Variants in DIAPH1 observed in about 807,000 individuals in gnomAD.
DIAPH1 encodes protein diaphanous homolog 1.
DIAPH1 carries 46 observed loss-of-function variants against 140.7 expected under a neutral mutation model. That is an observed-to-expected ratio of 0.33 (90% CI 0.26 to 0.42). The LOEUF (loss-of-function observed/expected upper bound fraction) is 0.42. DIAPH1 is among the 10% of genes least tolerant of loss of function. The probability of loss-of-function intolerance (pLI) is 1.00; values close to 1 mark genes in which losing one functional copy is unlikely to be tolerated. For synonymous variants in DIAPH1, 565 were observed against 551.6 expected (o/e 1.02, Z -0.34); for missense variants, 1,310 against 1,558.7 (o/e 0.84, Z 2.69).
intron 14 of DIAPH1, 103 bp from the exon 15 acceptor site, chr5:141,575,249 T>TTCCAGCACCCCCAG: frequency 8.3e-7 from 1 of 1,197,704 alleles, no homozygotes; most frequent in Non-Finnish European, 1.2e-6. Flanking sequence ...TGCCTGGGGG[T>TTCCAGCACCCCCAG]GCTGGAATCC....
chr5:141,531,332 C>G (rs2099888198), intron 19 of DIAPH1, among the ~76,000 whole-genome samples: 1 of 150,054 alleles, frequency 6.7e-6, no homozygotes. Flanking sequence ...TTTTTTGAGA[C>G]AGCATCTCAC....
intron 18 of DIAPH1, among the ~76,000 whole-genome samples, chr5:141,569,574 C>A (rs926792810): frequency 5.9e-5 from 9 of 151,886 alleles, no homozygotes; most frequent in African/African-American, 2.2e-4. Flanking sequence ...ACCAGCCTGC[C>A]CAACATGGTA....
chr5:141,604,842 C>T (rs981756354), intron 1 of DIAPH1, among the ~76,000 whole-genome samples: 5 of 151,952 alleles, frequency 3.3e-5, no homozygotes, highest in Non-Finnish European at 5.9e-5. Flanking sequence ...ATTTTTTGGC[C>T]CGGTACACAT....
chr5:141,533,995 C>T (rs2099888641), intron 19 of DIAPH1, among the ~76,000 whole-genome samples: 1 of 141,242 alleles, frequency 7.1e-6, no homozygotes, highest in African/African-American at 2.7e-5. Flanking sequence ...CGCATTATTA[C>T]ACCCCAGCAT....
In DIAPH1 at chr5:141,534,025, C is replaced by T. The variant is rs185106433; in HGVS notation, c.2581+310G>A. ...CAGCATGGGCAACAGAGTGGTGAGACTGTGTCTCAAAAAAAAAAAAAAAAA... is the reference window on the plus strand; with the variant it reads ...CAGCATGGGCAACAGAGTGGTGAGATTGTGTCTCAAAAAAAAAAAAAAAAA... On this transcript the variant is annotated intron_variant, in intron 19 of 27. Transcript: ENST00000389054. Among the ~76,000 whole-genome samples the T allele has an allele frequency of 1.6e-3, 177 of 109,610 alleles. 1 individual carries two copies. Among genetic ancestry groups the T allele is most frequent in the Non-Finnish European group, 2.5e-3 (147 of 58,292 alleles). 71.9% of individuals were successfully genotyped at this position (109,610 alleles called of 152,430 possible).
intron 1 of DIAPH1, among the ~76,000 whole-genome samples, chr5:141,608,775 G>T (rs562448028): frequency 2.6e-5 from 4 of 152,272 alleles, no homozygotes; most frequent in Admixed American, 2.0e-4. Flanking sequence ...AAGAGATCCT[G>T]GTTATTAGCC....
chr5:141,545,703 TAAAG>T (rs1249877832), intron 18 of DIAPH1, among the ~76,000 whole-genome samples: 9 of 152,020 alleles, frequency 5.9e-5, no homozygotes, highest in Non-Finnish European at 1.3e-4. Context: ...ATTAAGCAAA[TAAAG>T]AAATAAAAGA....
In DIAPH1 at chr5:141,567,145, T is replaced by TG. The variant is rs551377068; in HGVS notation, c.2482+4282dup. ...GGAGATGAAGGATGACCCAGGAGTC[T>TG]GGGGCTGCCTGTGGTAAGTGACATA... On this transcript the variant is annotated intron_variant, in intron 18 of 27. Coordinates refer to ENST00000389054, the MANE Select transcript of DIAPH1 (RefSeq NM_005219.5). 1.5e-3 allele frequency among the ~76,000 whole-genome samples: 224 copies of TG among 152,218 alleles called. 1 individual carries two copies. Among genetic ancestry groups the TG allele is most frequent in the African/African-American group, 5.2e-3 (215 of 41,534 alleles).
At chr5:141,531,878 A>G (rs986380998) in intron 19 of DIAPH1, among the ~76,000 whole-genome samples, 10 of 152,156 alleles carry the variant, frequency 6.6e-5, no homozygotes, top group South Asian at 2.1e-4. Flanking sequence ...TAAAACAATG[A>G]CATAACTCAT....
chr5:141,535,104 C>A (rs540307909), intron 18 of DIAPH1, among the ~76,000 whole-genome samples: 3 of 152,108 alleles, frequency 2.0e-5, no homozygotes, highest in Non-Finnish European at 2.9e-5. Flanking sequence ...TGCAGGCCAC[C>A]ACGCCCGGCT....
chr5:141,554,191 C>G (rs1024971014), intron 18 of DIAPH1, among the ~76,000 whole-genome samples: 1 of 152,076 alleles, frequency 6.6e-6, no homozygotes, highest in South Asian at 2.1e-4. Context: ...GCAGGAGAAT[C>G]GCTTGAACCT....
intron 18 of DIAPH1, among the ~76,000 whole-genome samples, chr5:141,561,172 G>GGA (rs1340711688): frequency 6.6e-6 from 1 of 152,000 alleles, no homozygotes; most frequent in Non-Finnish European, 1.5e-5. Flanking sequence ...CACACACACA[G>GGA]GAGAGTGCCG....
chr5:141,555,717 A>C (rs984484736), intron 18 of DIAPH1, among the ~76,000 whole-genome samples: 3 of 152,144 alleles, frequency 2.0e-5, no homozygotes, highest in African/African-American at 7.2e-5. Context: ...AAAAGAGGAA[A>C]ATTTTTTCTG....
chr5:141,537,900 G>A (rs1228592915), intron 18 of DIAPH1, among the ~76,000 whole-genome samples: 1 of 152,092 alleles, frequency 6.6e-6, no homozygotes, highest in Non-Finnish European at 1.5e-5. Flanking sequence ...TGTTTTTGAG[G>A]GGTTTTCTTG....
chr5:141,608,902 TC>T (rs1264126513), intron 1 of DIAPH1, among the ~76,000 whole-genome samples: 2 of 152,098 alleles, frequency 1.3e-5, no homozygotes, highest in Non-Finnish European at 2.9e-5. Context: ...AGTAACAGCT[TC>T]CCCCTTCCTG....
chr5:141,526,230 A>G, intron 25 of DIAPH1, 57 bp from the exon 26 acceptor site: 2 of 1,614,152 alleles, frequency 1.2e-6, no homozygotes, highest in South Asian at 2.2e-5. Flanking sequence ...ACTACCAGCC[A>G]ACAGGAACCC....
chr5:141,577,333 C>T (rs778351169), intron 12 of DIAPH1, 142 bp downstream of exon 12: 25 of 745,426 alleles, frequency 3.4e-5, no homozygotes, highest in Middle Eastern at 2.8e-4. Context: ...AAGACAACTT[C>T]CTTTATATCG....
chr5:141,603,968 C>G (rs781024301), intron 1 of DIAPH1, among the ~76,000 whole-genome samples: 1 of 152,182 alleles, frequency 6.6e-6, no homozygotes, highest in Non-Finnish European at 1.5e-5. Context: ...ATCACTATTC[C>G]AGCACAGCAG....
Position 141,520,464 on chromosome 5 carries a change from C to T in DIAPH1, c.3662-3456G>A, listed in dbSNP as rs1039742115. ...CCACAGTAATGAGCTCATACAAGCACTGGTTGTTTAAAAGAGCCTGGCATC... is the reference window on the plus strand; with the variant it reads ...CCACAGTAATGAGCTCATACAAGCATTGGTTGTTTAAAAGAGCCTGGCATC... On this transcript the variant is annotated intron_variant, in intron 27 of 27. Coordinates refer to ENST00000389054, the MANE Select transcript of DIAPH1 (RefSeq NM_005219.5). Among the ~76,000 whole-genome samples, 19 of 152,104 alleles carry T rather than the reference C, an allele frequency of 1.2e-4. 1 individual carries two copies. The highest frequency in any genetic ancestry group is 9.8e-4 in the Admixed American group (15 of 15,278).
Sources: allele counts gnomAD v4.1 joint callset (sites outside exome capture counted in the v4.1 genomes callset), GRCh38; gene constraint gnomAD v4.1.1; transcripts MANE v1.5; gene names NCBI Gene and HGNC (gene_info 2026-07-23, HGNC 2026-07-21).